The following HRNR variants were observed in gnomAD, a reference collection of about 807,000 sequenced individuals.
HRNR encodes the protein filaggrin family member 3.
Under a neutral mutation model 4.8 loss-of-function variants are expected in HRNR, and 7 were observed. That is an observed-to-expected ratio of 1.47 (90% confidence interval 0.83 to 2.75). HRNR has a LOEUF of 2.75. HRNR is among the 30% of genes most tolerant of loss of function. The pLI is 0.00. For synonymous variants in HRNR, 1,023 were observed against 1,242.7 expected (o/e 0.82, Z 3.72); for missense variants, 2,879 against 3,010.4 (o/e 0.96, Z 1.02).
Position 152,219,000 on chromosome 1 carries a change from C to G in HRNR, c.2629G>C (p.Ala877Pro). Residue 877 changes from alanine (A) to proline (P), a missense_variant, in exon 3 of 3, where the codon GCT (alanine) becomes CCT (proline). This residue lies in a region of HRNR where 2,646 missense variants were observed against 1,377.7 expected (regional missense o/e 1.92). Coordinates refer to ENST00000368801, the MANE Select transcript of HRNR (RefSeq NM_001009931.3). ...YGQHESASHH[A>P]SGRGRHGSGS... ...GAGCCATGTCGGCCGCGGCCCGAAGCGTGATGGGAGGCAGACTCATGCTGA... is the reference window on the plus strand; with the variant it reads ...GAGCCATGTCGGCCGCGGCCCGAAGGGTGATGGGAGGCAGACTCATGCTGA... 1 of 1,611,122 alleles carries G rather than the reference C, an allele frequency of 6.2e-7. No homozygotes were observed. Among genetic ancestry groups the G allele is most frequent in the East Asian group, 2.2e-5 (1 of 44,606 alleles).
Position 152,219,618 on chromosome 1 carries a change from G to T in HRNR, c.2011C>A (p.His671Asn). 3 of 1,609,788 alleles carry T rather than the reference G, an allele frequency of 1.9e-6. No individual in the cohort carries two copies. Among genetic ancestry groups the T allele is most frequent in the Non-Finnish European group, 2.5e-6 (3 of 1,177,482 alleles). ...SRGRHGSDFG[H>N]SSSYGQHGSG... ...CCATGTTGGCCGTAGCTGGAAGAGT[G>T]CCCAAAATCGGACCCATGTCGGCCG... is the stretch of plus-strand genomic sequence containing the variant. The change falls in exon 3 of 3, where the codon CAC becomes AAC. Residue 671 changes from histidine (H) to asparagine (N), a missense_variant. Physicochemically the swap from His to Asn is moderately conservative, Grantham distance 68. This residue lies in a region of HRNR where 2,646 missense variants were observed against 1,377.7 expected (regional missense o/e 1.92). Transcript: ENST00000368801.
chr1:152,219,257 T>G lies in HRNR; in HGVS notation c.2372A>C (p.His791Pro), dbSNP rs148511769. ...HGSSSGHSSS[H>P]GQHGSGTSCS... is the part of the protein sequence containing the mutation. ...ACTTGTGCCAGACCCGTGTTGGCCG[T>G]GGCTGGAGGAGTGCCCTGAACTGGA... The change falls in exon 3 of 3, where the codon CAC (histidine) becomes CCC (proline). Residue 791 changes from histidine to proline, a missense_variant. Physicochemically the swap from His to Pro is moderately conservative, Grantham distance 77. Transcript: ENST00000368801. The G allele has an allele frequency of 2.9e-4, 464 of 1,612,758 alleles. 5 individuals carry two copies. The highest frequency in any genetic ancestry group is 4.8e-4 in the Admixed American group (29 of 59,934).
chr1:152,221,612 C>G (rs1428196570), intron 2 of HRNR, 122 bp from the exon 3 acceptor site: 2 of 713,852 alleles, frequency 2.8e-6, no homozygotes, highest in South Asian at 1.9e-5. Flanking sequence ...CTCATTCACA[C>G]AGTCCTTTAG....
At position 152,219,440 on chromosome 1, in the gene HRNR, C is replaced by T. The variant is rs199798618; in HGVS notation, c.2189G>A (p.Gly730Asp). The change falls in exon 3 of 3, where the codon GGC (glycine) becomes GAC (aspartate). Residue 730 changes from glycine to aspartate, a missense_variant. Gly to Asp is a moderately conservative substitution (Grantham distance 94, BLOSUM62 -1). Transcript: ENST00000368801. ...CCTAGATGACTGTCCTGACCTAGAG[C>T]CGTGTTTTCTGTAGCCGGAGGAGTG... The part of the protein sequence containing the change: ...SSHSSGYRKH[G>D]SRSGQSSRSE... 4 of 1,614,046 alleles carry T rather than the reference C, an allele frequency of 2.5e-6. No homozygotes were observed. The highest frequency in any genetic ancestry group is 3.4e-6 in the Non-Finnish European group (4 of 1,180,014).
At position 152,212,678 on chromosome 1, in the gene HRNR, G is replaced by A. The variant is rs1211301060; in HGVS notation, c.*398C>T. On this transcript the variant is annotated 3_prime_UTR_variant, in exon 3 of 3. Coordinates refer to ENST00000368801, the MANE Select transcript of HRNR (RefSeq NM_001009931.3). ...CTGTAAAACAAAGCTTTGTATCTAG[G>A]ACTGGTAATGCATTTGTAATATTTT... is the stretch of plus-strand genomic sequence containing the variant. 2 of 233,574 alleles carry A rather than the reference G, an allele frequency of 8.6e-6. No homozygotes were observed. Among genetic ancestry groups the A allele is most frequent in the Non-Finnish European group, 1.7e-5 (2 of 120,996 alleles). 14.5% of individuals were successfully genotyped at this position (233,574 alleles called of 1,614,324 possible).
chr1:152,212,666 CT>C lies in HRNR; in HGVS notation c.*409del, dbSNP rs1186020296. ...GTACACTAATTGCTGTAAAACAAAG[CT>C]TTGTATCTAGGACTGGTAATGCATT... On this transcript the variant is annotated 3_prime_UTR_variant, in exon 3 of 3. Transcript: ENST00000368801. 1 of 196,604 alleles carries C rather than the reference CT, an allele frequency of 5.1e-6. No homozygotes were observed. The highest frequency in any genetic ancestry group is 1.0e-5 in the Non-Finnish European group (1 of 96,730). 12.2% of individuals were successfully genotyped at this position (196,604 alleles called of 1,614,324 possible).
chr1:152,219,529 G>A lies in HRNR; in HGVS notation c.2100C>T (p.Gly700=), dbSNP rs1479374955. 6.2e-7 allele frequency: 1 copy of A among 1,613,370 alleles called. No individual in the cohort carries two copies. Among genetic ancestry groups the A allele is most frequent in the East Asian group, 2.2e-5 (1 of 44,786 alleles). The stretch of plus-strand genomic sequence containing the variant: ...GCCCTGAGCCAGACTTGTGACCAAA[G>A]CCGGAAGACTGGCCTGAGACAGACC... The part of the protein sequence containing the change: ...PHGSVSGQSS[G]FGHKSGSGQS... Residue 700 remains glycine (G), a synonymous_variant, in exon 3 of 3, where the codon GGC becomes GGT. Coordinates refer to ENST00000368801, the MANE Select transcript of HRNR (RefSeq NM_001009931.3).
Position 152,220,334 on chromosome 1 carries a change from C to G in HRNR, c.1295G>C (p.Gly432Ala). The change falls in exon 3 of 3, where the codon GGG (glycine) becomes GCG (alanine). Residue 432 changes from glycine to alanine, a missense_variant. Around this residue, in one of 8 missense-constraint regions of HRNR, gnomAD observed 2,646 missense variants for 1,377.7 expected, o/e 1.92. Coordinates refer to ENST00000368801, the MANE Select transcript of HRNR (RefSeq NM_001009931.3). ...GCCGGAGCTGGGAGACTGCCCTGAC[C>G]CAGACCCACGCTGGCCGTGGCCTGG... ...QSPGHGQRGS[G>A]SGQSPSSGQH... The G allele has an allele frequency of 6.2e-7, 1 of 1,613,080 alleles. No homozygotes were observed. The highest frequency in any genetic ancestry group is 8.5e-7 in the Non-Finnish European group (1 of 1,179,686).
At chr1:152,222,125 G>A (rs1390487) in intron 2 of HRNR, among the ~76,000 whole-genome samples, 109,048 of 152,024 alleles carry the variant, frequency 0.72, 40,543 homozygotes, top group Non-Finnish European at 0.84. Flanking sequence ...TGAAGAAGTA[G>A]GAAGAGAAAG....
Position 152,212,222 on chromosome 1 carries a change from T to A in HRNR, c.*854A>T, listed in dbSNP as rs574681435. 2 of 152,198 alleles carry A rather than the reference T, an allele frequency of 1.3e-5. No homozygotes were observed. The highest frequency in any genetic ancestry group is 4.8e-5 in the African/African-American group (2 of 41,454). 9.4% of individuals were successfully genotyped at this position (152,198 alleles called of 1,614,324 possible). ...CCTTTTCATCTGGGCATGGATGATA[T>A]TTTTTCAGGTGGAAACGTTATTGAA... is the stretch of plus-strand genomic sequence containing the variant. On this transcript the variant is annotated 3_prime_UTR_variant, in exon 3 of 3. Coordinates refer to ENST00000368801, the MANE Select transcript of HRNR (RefSeq NM_001009931.3).
intron 2 of HRNR, among the ~76,000 whole-genome samples, chr1:152,221,968 T>A (rs1260499143): frequency 6.6e-6 from 1 of 152,166 alleles, no homozygotes; most frequent in Non-Finnish European, 1.5e-5. Context: ...AATTTAAAGT[T>A]TAGTTGGCCA....
chr1:152,218,703 T>C lies in HRNR; in HGVS notation c.2926A>G (p.Ser976Gly), dbSNP rs562043827. Residue 976 changes from serine to glycine, a missense_variant, in exon 3 of 3, where the codon AGC becomes GGC. Around this residue, in one of 8 missense-constraint regions of HRNR, gnomAD observed 2,646 missense variants for 1,377.7 expected, o/e 1.92. Coordinates refer to ENST00000368801, the MANE Select transcript of HRNR (RefSeq NM_001009931.3). ...QSSRSEQHGS[S>G]SGSSSSYGQH... ...CCATAGCTGGAAGACGAACCTGAGC[T>C]AGATCCATGTTGTTCGCTCCTAGAT... The C allele has an allele frequency of 1.9e-6, 3 of 1,613,242 alleles. No individual in the cohort carries two copies. Among genetic ancestry groups the C allele is most frequent in the Non-Finnish European group, 2.5e-6 (3 of 1,179,918 alleles).
At position 152,220,120 on chromosome 1, in the gene HRNR, C is replaced by G; in HGVS notation, c.1509G>C (p.Arg503Ser). 6.2e-7 allele frequency: 1 copy of G among 1,613,062 alleles called. No individual in the cohort carries two copies. The highest frequency in any genetic ancestry group is 8.5e-7 in the Non-Finnish European group (1 of 1,179,448). The stretch of plus-strand genomic sequence containing the variant: ...CTGCACTAGATCCTTGTCGTTCACC[C>G]CTAGATGACTGTCCTGACCTAGAGC... ...QHGSRSGQSSRGERQGSSAGS... is the reference protein window; with the variant it reads ...QHGSRSGQSSSGERQGSSAGS... Residue 503 changes from arginine (R) to serine (S), a missense_variant, in exon 3 of 3, where the codon AGG (arginine) becomes AGC (serine). This residue lies in a region of HRNR where 2,646 missense variants were observed against 1,377.7 expected (regional missense o/e 1.92). Coordinates refer to ENST00000368801, the MANE Select transcript of HRNR (RefSeq NM_001009931.3).
chr1:152,218,512 T>C lies in HRNR; in HGVS notation c.3117A>G (p.Pro1039=), dbSNP rs1374013810. 4 of 1,613,384 alleles carry C rather than the reference T, an allele frequency of 2.5e-6. No individual in the cohort carries two copies. The highest frequency in any genetic ancestry group is 2.2e-5 in the South Asian group (2 of 91,042). ...SGSGWSSSRG[P]YESGSGHSSG... is the part of the protein sequence containing the mutation. ...AAGAGTGACCGGAGCCAGACTCATATGGGCCACGGCTTGAAGACCACCCTG... is the reference window on the plus strand; with the variant it reads ...AAGAGTGACCGGAGCCAGACTCATACGGGCCACGGCTTGAAGACCACCCTG... The change falls in exon 3 of 3, where the codon CCA becomes CCG. Residue 1039 remains proline, a synonymous_variant. Transcript: ENST00000368801.
rs769111271 is a variant in HRNR at position 152,218,832 on chromosome 1, C to A, written c.2797G>T (p.Gly933Cys). The A allele has an allele frequency of 6.2e-7, 1 of 1,613,680 alleles. No homozygotes were observed. ...GACTGCCCTGAGCTAGACTTGTGAC[C>A]AAAGCCAGAAGACTGGCCTGAGCCA... ...GSGSGQSSGF[G>C]HKSSSGQSSG... is the part of the protein sequence containing the mutation. The change falls in exon 3 of 3, where the codon GGT becomes TGT. Residue 933 changes from glycine to cysteine, a missense_variant. By Grantham distance (159) the Gly-to-Cys change is radical (BLOSUM62 -3). This residue lies in a region of HRNR where 2,646 missense variants were observed against 1,377.7 expected (regional missense o/e 1.92). Transcript: ENST00000368801.
chr1:152,218,487 A>G lies in HRNR; in HGVS notation c.3142T>C (p.Ser1048Pro). Residue 1048 changes from serine to proline, a missense_variant, in exon 3 of 3, where the codon TCT becomes CCT. Transcript: ENST00000368801. ...CGAGACTCTCGGTGACCTAAGCCAG[A>G]AGAGTGACCGGAGCCAGACTCATAT... ...GPYESGSGHS[S>P]GLGHRESRSG... 4.3e-6 allele frequency: 7 copies of G among 1,613,804 alleles called. No individual in the cohort carries two copies. The highest frequency in any genetic ancestry group is 5.9e-6 in the Non-Finnish European group (7 of 1,179,994).
At chr1:152,223,021 C>T (rs1417806108) in intron 2 of HRNR, 95 bp downstream of exon 2, 34 of 1,289,746 alleles carry the variant, frequency 2.6e-5, no homozygotes, top group Non-Finnish European at 3.5e-5. Context: ...CAAGTAAGGA[C>T]AATCCTCTAG....
Position 152,219,559 on chromosome 1 carries a change from TG to T in HRNR, c.2069del (p.Pro690HisfsTer361), listed in dbSNP as rs1360856786. The T allele has an allele frequency of 6.2e-7, 1 of 1,611,790 alleles. No homozygotes were observed. The highest frequency in any genetic ancestry group is 8.5e-7 in the Non-Finnish European group (1 of 1,179,524). On this transcript the variant is annotated frameshift_variant, in exon 3 of 3. Coordinates refer to ENST00000368801, the MANE Select transcript of HRNR (RefSeq NM_001009931.3). LOFTEE classifies it low-confidence loss of function (END_TRUNC). The stretch of plus-strand genomic sequence containing the variant: ...AAGACTGGCCTGAGACAGACCCATG[TG>T]GGCCATTGCTTGAAGACCAACCGGA... ...SGSGWSSSNG[P>X]HGSVSGQSSG...
Position 152,218,821 on chromosome 1 carries a change from A to G in HRNR, c.2808T>C (p.Ser936=). The change falls in exon 3 of 3, where the codon TCT becomes TCC. Residue 936 remains serine (S), a synonymous_variant. Transcript: ENST00000368801. ...SGQSSGFGHK[S]SSGQSSGYTQ... ...TGTAACCAGAGGACTGCCCTGAGCTAGACTTGTGACCAAAGCCAGAAGACT... is the reference window on the plus strand; with the variant it reads ...TGTAACCAGAGGACTGCCCTGAGCTGGACTTGTGACCAAAGCCAGAAGACT... 4 of 1,612,908 alleles carry G rather than the reference A, an allele frequency of 2.5e-6. No homozygotes were observed. The highest frequency in any genetic ancestry group is 1.3e-5 in the African/African-American group (1 of 74,496).
Sources: gnomAD v4.1 joint callset for allele counts (sites outside exome capture counted in the v4.1 genomes callset) on GRCh38, gnomAD v4.1.1 for gene constraint, gnomAD v4.1.1 regional missense constraint, MANE v1.5 for transcripts, NCBI Gene and HGNC (gene_info 2026-07-23, HGNC 2026-07-21) for gene names.